The following KIF4A variants were observed in gnomAD, a reference collection of about 807,000 sequenced individuals.
KIF4A encodes the protein chromosome-associated kinesin KIF4A.
In KIF4A, 7 loss-of-function variants were observed where a neutral mutation model predicts 105.9. That is an observed-to-expected ratio of 0.07 (90% CI 0.04 to 0.12). KIF4A has a LOEUF of 0.12. KIF4A is among the 10% of genes least tolerant of loss of function. The probability of loss-of-function intolerance (pLI) is 1.00; values close to 1 mark genes in which losing one functional copy is unlikely to be tolerated. For missense variants in KIF4A, 558 were observed against 929.2 expected, an observed-to-expected ratio of 0.60 and a Z score of 5.19; for synonymous variants, 281 against 331.3, an observed-to-expected ratio of 0.85 and a Z score of 1.65.
At chrX:70,401,704 AT>A (rs1386987734) in intron 22 of KIF4A, among the ~76,000 whole-genome samples, 3 of 111,807 alleles carry the variant, frequency 2.7e-5, no homozygotes, top group Non-Finnish European at 5.6e-5. Flanking sequence ...CCCAGCTAAA[AT>A]TTTTTTCAGT....
chrX:70,306,118 A>G (rs749313277), intron 7 of KIF4A, among the ~76,000 whole-genome samples: 2 of 112,301 alleles, frequency 1.8e-5, no homozygotes, highest in South Asian at 3.7e-4. Flanking sequence ...TTGCATCTGT[A>G]TATGAGTTAT....
intron 3 of KIF4A, among the ~76,000 whole-genome samples, chrX:70,294,013 G>T (rs913104217): frequency 5.4e-5 from 6 of 112,054 alleles, no homozygotes; most frequent in African/African-American, 1.6e-4. Context: ...AAATCTTTTT[G>T]ACTTTTTTGT....
chrX:70,380,169 A>G (rs2086191851), intron 18 of KIF4A, among the ~76,000 whole-genome samples: 1 of 110,745 alleles, frequency 9.0e-6, no homozygotes, highest in Non-Finnish European at 1.9e-5. Flanking sequence ...TTAGCTGAGC[A>G]TGGTGGCATG....
Position 70,297,122 on chromosome X carries a change from A to G in KIF4A, c.360A>G (p.Gln120=), listed in dbSNP as rs2085786431. 8.3e-7 allele frequency: 1 copy of G among 1,209,858 alleles called. No homozygotes were observed. Among genetic ancestry groups the G allele is most frequent in the African/African-American group, 1.7e-5 (1 of 57,351 alleles). ...PTVGVIPRVI[Q]LLFKEIDKKS... ...TTGGGGTTATTCCTAGGGTAATACA[A>G]CTGCTCTTCAAAGAAATTGATAAAA... The change falls in exon 4 of 31, where the codon CAA becomes CAG. Residue 120 remains glutamine (Q), a synonymous_variant. Coordinates refer to ENST00000374403, the MANE Select transcript of KIF4A (RefSeq NM_012310.5).
intron 20 of KIF4A, among the ~76,000 whole-genome samples, chrX:70,394,439 A>C (rs1016076444): frequency 9.0e-6 from 1 of 111,028 alleles, no homozygotes; most frequent in Admixed American, 9.6e-5. Flanking sequence ...ATGGGCCTGA[A>C]GTGATCCTCC....
At chrX:70,377,801 TGGCACATCTGTGATCTCCAGTATTCAGGA>T (rs2086181013) in intron 18 of KIF4A, among the ~76,000 whole-genome samples, 1 of 112,082 alleles carries the variant, frequency 8.9e-6, no homozygotes, top group African/African-American at 3.2e-5. Context: ...CCGGGCATGG[TGGCACATCTGTGATCTCCAGTATTCAGGA>T]GGCTGAGGCA....
At chrX:70,306,473 A>G (rs1343621726) in intron 7 of KIF4A, among the ~76,000 whole-genome samples, 2 of 112,543 alleles carry the variant, frequency 1.8e-5, no homozygotes, top group East Asian at 2.8e-4. Context: ...AAGTCTTTCA[A>G]TGTATGAACA....
chrX:70,318,130 G>A (rs1272999705), intron 7 of KIF4A, among the ~76,000 whole-genome samples: 1 of 110,155 alleles, frequency 9.1e-6, no homozygotes, highest in Non-Finnish European at 1.9e-5. Context: ...TGCCTGCCTC[G>A]GCCTCCCAAA....
chrX:70,303,586 CT>C (rs1268415950), intron 7 of KIF4A, among the ~76,000 whole-genome samples: 1 of 111,914 alleles, frequency 8.9e-6, no homozygotes, highest in African/African-American at 3.2e-5. Flanking sequence ...TCAAAGTACC[CT>C]TTTTGTTCTA....
chrX:70,408,068 CA>C lies in KIF4A; in HGVS notation c.3255+1008del, dbSNP rs1364505971. 8.2e-3 allele frequency among the ~76,000 whole-genome samples: 625 copies of C among 76,221 alleles called. 3 individuals carry two copies. The highest frequency in any genetic ancestry group is 0.022 in the African/African-American group (456 of 20,351). The allele number at this position is 76,221 out of a possible 115,157, so 66.2% of individuals were successfully genotyped here. A position where few individuals can be genotyped will look rare whatever the true frequency, so the allele number is the denominator to read the frequency against. ...GGGCAACAAGAGTGAGATTCCATCT[CA>C]AAAAAAAAAAAAAATCCAGTGAGAT... On this transcript the variant is annotated intron_variant, in intron 28 of 30. Transcript: ENST00000374403.
At chrX:70,382,802 AAAAG>A (rs1454242730) in intron 18 of KIF4A, among the ~76,000 whole-genome samples, 4 of 110,286 alleles carry the variant, frequency 3.6e-5, no homozygotes, top group African/African-American at 9.9e-5. Context: ...AAAAAAAAAA[AAAAG>A]AAAGTTAATA....
chrX:70,290,350 T>C, intron 1 of KIF4A, 88 bp from the exon 2 acceptor site: 1 of 1,069,625 alleles, frequency 9.3e-7, no homozygotes, highest in Non-Finnish European at 1.3e-6. Flanking sequence ...GTGTTCCCGC[T>C]GAGGAGGGTC....
rs764230426 is a variant in KIF4A at position 70,290,676 on chromosome X, C to T, written c.121-15C>T. The T allele has an allele frequency of 5.8e-6, 7 of 1,203,027 alleles. No homozygotes were observed. Among genetic ancestry groups the T allele is most frequent in the Non-Finnish European group, 7.9e-6 (7 of 887,831 alleles). Reference sequence around the variant, plus strand: ...TTCATTTTTAACCTTACGCCTTGTCCCGTGCCTTCTCTAGGTGGTGGTTGG... The same window carrying T: ...TTCATTTTTAACCTTACGCCTTGTCTCGTGCCTTCTCTAGGTGGTGGTTGG... On this transcript the variant is annotated splice_polypyrimidine_tract_variant and intron_variant, in intron 2 of 30. Transcript: ENST00000374403.
rs751152298 is a variant in KIF4A at position 70,403,944 on chromosome X, G to A, written c.2700G>A (p.Lys900=). 6 of 1,211,603 alleles carry A rather than the reference G, an allele frequency of 5.0e-6. No homozygotes were observed. The highest frequency in any genetic ancestry group is 6.7e-6 in the Non-Finnish European group (6 of 895,341). Residue 900 remains lysine, a synonymous_variant, in exon 24 of 31, where the codon AAG becomes AAA. Coordinates refer to ENST00000374403, the MANE Select transcript of KIF4A (RefSeq NM_012310.5). ...QSKTSCADMQ[K]MLFEERNHFA... ...AGACCAGCTGTGCTGACATGCAGAA[G>A]ATGCTGTTTGAGGAACGAAATCATT...
intron 13 of KIF4A, among the ~76,000 whole-genome samples, chrX:70,349,827 G>A (rs2086018686): frequency 1.2e-5 from 1 of 86,724 alleles, no homozygotes; most frequent in African/African-American, 4.8e-5. Context: ...CTGGGCAGAG[G>A]CGCTCCTCAC....
chrX:70,353,800 A>C lies in KIF4A; in HGVS notation c.1667A>C (p.Gln556Pro). The C allele has an allele frequency of 8.6e-7, 1 of 1,167,571 alleles. No homozygotes were observed. The highest frequency in any genetic ancestry group is 3.1e-5 in the East Asian group (1 of 32,236). ...AGCCAACTGCAGCCCATTCAGTACC[A>C]ATACCAGGTAAACTATTTCCTAGGG... ...NDSQLQPIQY[Q>P]YQDNIKELEL... Residue 556 changes from glutamine to proline, a missense_variant, in exon 15 of 31, where the codon CAA becomes CCA. Gln to Pro is a moderately conservative substitution (Grantham distance 76). Around this residue, in one of 2 missense-constraint regions of KIF4A, gnomAD observed 469 missense variants for 680.4 expected, o/e 0.69. Transcript: ENST00000374403.
chrX:70,372,121 G>A (rs1188519754), intron 15 of KIF4A, among the ~76,000 whole-genome samples: 3 of 106,749 alleles, frequency 2.8e-5, no homozygotes, highest in Non-Finnish European at 5.9e-5. Context: ...CTTCCTAGAT[G>A]GGATGGCGGC....
intron 25 of KIF4A, among the ~76,000 whole-genome samples, chrX:70,405,623 G>A (rs1324214346): frequency 9.0e-5 from 10 of 111,303 alleles, no homozygotes; most frequent in South Asian, 3.9e-4. Flanking sequence ...GGTCAGAGCT[G>A]CTGGGGAGCA....
intron 10 of KIF4A, among the ~76,000 whole-genome samples, chrX:70,335,006 C>T (rs2085945117): frequency 8.9e-6 from 1 of 111,795 alleles, no homozygotes; most frequent in South Asian, 3.7e-4. Context: ...AAAATTAAAA[C>T]TAGACTTACC....
Sources: allele counts gnomAD v4.1 joint callset (sites outside exome capture counted in the v4.1 genomes callset), GRCh38; gene constraint gnomAD v4.1.1; regional missense constraint gnomAD v4.1.1; transcripts MANE v1.5; gene names NCBI Gene and HGNC (gene_info 2026-07-23, HGNC 2026-07-21).